Variants in SLAMF9 observed in about 807,000 individuals in gnomAD.
SLAMF9 encodes CD2 family member 10.
A neutral mutation model predicts 30.4 loss-of-function variants in SLAMF9; 25 were observed. The ratio of observed to expected loss-of-function variants is 0.82; its 90% confidence interval spans 0.60 to 1.15. SLAMF9 has a LOEUF of 1.15. Ranked by LOEUF, SLAMF9 falls within the 50% of genes most tolerant of loss-of-function variation. The pLI, the probability that SLAMF9 is intolerant of heterozygous loss-of-function variation, is 0.00. For missense variants in SLAMF9, 344 were observed against 346.1 expected (o/e 0.99, Z 0.05); for synonymous variants, 129 against 127.2 (o/e 1.01, Z -0.09).
At chr1:159,973,734 T>G in the SLAMF9 span, 1 of 1,453,492 alleles carries the variant, frequency 6.9e-7, no homozygotes, top group Non-Finnish European at 9.6e-7. Context: ...GAGCTACTGA[T>G]CTCTAGAGAC....
At chr1:159,980,217 C>A in the SLAMF9 span, among the ~76,000 whole-genome samples, 1 of 152,162 alleles carries the variant, frequency 6.6e-6, no homozygotes. Context: ...GCAGGCACCT[C>A]CCCACGGTGG....
At chr1:159,973,246 T>C in the SLAMF9 span, 1 of 927,648 alleles carries the variant, frequency 1.1e-6, no homozygotes, top group South Asian at 1.4e-5. Context: ...GGCTCAGGAG[T>C]GGGGGCGACA....
chr1:159,983,064 A>G, the SLAMF9 span: 1 of 152,270 alleles, frequency 6.6e-6, no homozygotes, highest in Admixed American at 6.5e-5. Flanking sequence ...ACATATCAAC[A>G]TTAGAGTTTC....
In SLAMF9 at chr1:159,951,875, G is replaced by C; in HGVS notation, c.665-9C>G. On this transcript the variant is annotated splice_polypyrimidine_tract_variant and intron_variant, in intron 3 of 3. Coordinates refer to ENST00000368093, the MANE Select transcript of SLAMF9 (RefSeq NM_033438.4). ...AGAAGCATAGTTAGGATCTGGGGTG[G>C]AAGAAAGGAGGAAAGGGCCCATCAG... The C allele has an allele frequency of 6.2e-7, 1 of 1,613,390 alleles. No homozygotes were observed. The highest frequency in any genetic ancestry group is 8.5e-7 in the Non-Finnish European group (1 of 1,179,454).
At chr1:159,973,839 G>A in the SLAMF9 span, 1 of 1,613,732 alleles carries the variant, frequency 6.2e-7, no homozygotes, top group South Asian at 1.1e-5. Context: ...TTGTGTGAAT[G>A]TCTGTGGAAT....
chr1:159,955,008 G>T (rs1242875141), upstream of SLAMF9, among the ~76,000 whole-genome samples: 7 of 151,552 alleles, frequency 4.6e-5, no homozygotes, highest in Non-Finnish European at 1.0e-4. Flanking sequence ...AACCCAGGAG[G>T]TGGAGGTTGC....
chr1:159,974,347 A>T, the SLAMF9 span, among the ~76,000 whole-genome samples: 42 of 151,962 alleles, frequency 2.8e-4, no homozygotes, highest in African/African-American at 9.7e-4. Flanking sequence ...ATCCTACCAT[A>T]TATTGGGTTT....
At chr1:159,972,257 A>G in the SLAMF9 span, among the ~76,000 whole-genome samples, 3 of 152,218 alleles carry the variant, frequency 2.0e-5, no homozygotes, top group African/African-American at 7.2e-5. Context: ...TGCTGGAGAG[A>G]AGTTGCCTAT....
In SLAMF9 at chr1:159,954,085, C is replaced by T; in HGVS notation, c.46+7G>A. On this transcript the variant is annotated splice_region_variant and intron_variant, in intron 1 of 3. Coordinates refer to ENST00000368093, the MANE Select transcript of SLAMF9 (RefSeq NM_033438.4). ...ATTCCTGTGCACGAGCTGGCAGCTT[C>T]ACTCACCCTCCTGGAGCAGCAGGAG... 3 of 1,613,994 alleles carry T rather than the reference C, an allele frequency of 1.9e-6. No homozygotes were observed. Among genetic ancestry groups the T allele is most frequent in the Non-Finnish European group, 2.5e-6 (3 of 1,179,992 alleles).
chr1:159,972,014 A>G, the SLAMF9 span, among the ~76,000 whole-genome samples: 2 of 152,126 alleles, frequency 1.3e-5, no homozygotes, highest in Admixed American at 1.3e-4. Flanking sequence ...ACCCATGTCA[A>G]TGGCTCACCC....
chr1:159,962,356 C>G, the SLAMF9 span, among the ~76,000 whole-genome samples: 1 of 152,092 alleles, frequency 6.6e-6, no homozygotes, highest in Non-Finnish European at 1.5e-5. Context: ...AAGAAGTTTA[C>G]CTTTGGCCCG....
upstream of SLAMF9, among the ~76,000 whole-genome samples, chr1:159,957,229 G>C (rs1283603771): frequency 6.6e-6 from 1 of 151,680 alleles, no homozygotes; most frequent in Non-Finnish European, 1.5e-5. Context: ...AGAAATATTG[G>C]TGGAAAGATT....
the SLAMF9 span, among the ~76,000 whole-genome samples, chr1:159,967,570 G>A: frequency 6.6e-6 from 1 of 152,150 alleles, no homozygotes; most frequent in South Asian, 2.1e-4. Context: ...GCTCAAAATT[G>A]TTTTGGCCAT....
At chr1:159,974,293 G>A in the SLAMF9 span, among the ~76,000 whole-genome samples, 2 of 151,940 alleles carry the variant, frequency 1.3e-5, no homozygotes, top group African/African-American at 2.4e-5. Context: ...CTTCCCATCT[G>A]CCTCTATCCT....
chr1:159,976,824 C>T, the SLAMF9 span: 3 of 150,994 alleles, frequency 2.0e-5, no homozygotes, highest in Non-Finnish European at 4.4e-5. Context: ...ATTCAGATTC[C>T]TTGAGCCCAG....
chr1:159,955,474 G>T (rs1056236940), upstream of SLAMF9, among the ~76,000 whole-genome samples: 1 of 152,230 alleles, frequency 6.6e-6, no homozygotes, highest in Non-Finnish European at 1.5e-5. Context: ...GGGAACAATA[G>T]AGGAAGACGT....
the SLAMF9 span, among the ~76,000 whole-genome samples, chr1:159,981,167 G>T: frequency 6.6e-6 from 1 of 152,162 alleles, no homozygotes; most frequent in African/African-American, 2.4e-5. Context: ...CCATTAGGGT[G>T]GGCCCTAATC....
the SLAMF9 span, chr1:159,972,975 C>T: frequency 4.0e-6 from 5 of 1,264,748 alleles, no homozygotes; most frequent in East Asian, 5.6e-5. Flanking sequence ...CTGGGGGCGT[C>T]GCCACTCCCT....
chr1:159,963,787 G>A, the SLAMF9 span, among the ~76,000 whole-genome samples: 20 of 152,100 alleles, frequency 1.3e-4, no homozygotes, highest in Admixed American at 4.6e-4. Context: ...TGGGCCAGGC[G>A]CAGTGGCTCA....
Sources: allele counts gnomAD v4.1 joint callset (sites outside exome capture counted in the v4.1 genomes callset), GRCh38; gene constraint gnomAD v4.1.1; transcripts MANE v1.5; gene names NCBI Gene and HGNC (gene_info 2026-07-23, HGNC 2026-07-21).